INSL6: variants seen among roughly 807,000 people sequenced by gnomAD.
The protein encoded by INSL6 is insulin like 6, also known as insulin-like peptide INSL6.
A neutral mutation model predicts 9.4 loss-of-function variants in INSL6; 16 were observed. The ratio of observed to expected loss-of-function variants is 1.70; its 90% CI spans 1.15 to 2.59. The LOEUF (loss-of-function observed/expected upper bound fraction) is 2.59. INSL6 is among the 30% of genes most tolerant of loss of function. The pLI is 0.00. For synonymous variants in INSL6, 154 were observed against 96.9 expected (o/e 1.59, Z -3.46); for missense variants, 391 against 257.3 (o/e 1.52, Z -3.56).
chr9:5,031,427 G>A, the INSL6 span, among the ~76,000 whole-genome samples: 6 of 152,276 alleles, frequency 3.9e-5, no homozygotes, highest in South Asian at 1.0e-3. Flanking sequence ...CATACATATA[G>A]AAACATAATA....
the INSL6 span, chr9:5,072,568 T>C: frequency 6.2e-7 from 1 of 1,611,462 alleles, no homozygotes; most frequent in African/African-American, 1.3e-5. Context: ...TACGGTCAAC[T>C]GCATGAAACA....
chr9:4,995,216 G>A, the INSL6 span, among the ~76,000 whole-genome samples: 1 of 152,014 alleles, frequency 6.6e-6, no homozygotes, highest in Non-Finnish European at 1.5e-5. Context: ...ACTTTCTATT[G>A]GATTTGTGGT....
the INSL6 span, among the ~76,000 whole-genome samples, chr9:5,074,475 C>T: frequency 6.6e-6 from 1 of 151,850 alleles, no homozygotes; most frequent in Non-Finnish European, 1.5e-5. Context: ...TTAAAAAAAT[C>T]ATATGGTGAT....
chr9:5,134,087 G>A (rs1824344029), intron 2 of INSL6, among the ~76,000 whole-genome samples: 1 of 152,110 alleles, frequency 6.6e-6, no homozygotes, highest in Non-Finnish European at 1.5e-5. Flanking sequence ...GCAGAAGAAA[G>A]GATACCAGAG....
the INSL6 span, among the ~76,000 whole-genome samples, chr9:5,003,829 T>C: frequency 3.4e-5 from 5 of 148,950 alleles, no homozygotes; most frequent in African/African-American, 1.2e-4. Context: ...GGTATATTGT[T>C]TTTTTACTGT....
At chr9:4,998,739 A>G in the INSL6 span, among the ~76,000 whole-genome samples, 2 of 139,434 alleles carry the variant, frequency 1.4e-5, no homozygotes, top group African/African-American at 5.1e-5. Context: ...AACCACAAAA[A>G]ACAAAAAAAA....
chr9:5,150,690 C>T (rs770738382), intron 2 of INSL6, among the ~76,000 whole-genome samples: 21 of 152,122 alleles, frequency 1.4e-4, no homozygotes, highest in Non-Finnish European at 2.4e-4. Context: ...AATACAACTA[C>T]TATTTAATCC....
downstream of INSL6, among the ~76,000 whole-genome samples, chr9:5,120,883 TCAG>T (rs1346004963): frequency 6.6e-6 from 1 of 152,178 alleles, no homozygotes; most frequent in African/African-American, 2.4e-5. Flanking sequence ...AACAAAATAA[TCAG>T]CAAGTTTTGG....
At chr9:5,073,929 T>G in the INSL6 span, 1 of 604,936 alleles carries the variant, frequency 1.7e-6, no homozygotes, top group Non-Finnish European at 2.9e-6. Context: ...CTGAAAACAC[T>G]GTAGGACTAT....
the INSL6 span, among the ~76,000 whole-genome samples, chr9:5,071,567 G>A: frequency 3.9e-5 from 6 of 152,268 alleles, no homozygotes; most frequent in East Asian, 9.6e-4. Context: ...TATAGCTGAA[G>A]AGAGATGTAG....
chr9:5,118,986 G>C (rs1010661558), downstream of INSL6, among the ~76,000 whole-genome samples: 1 of 152,064 alleles, frequency 6.6e-6, no homozygotes, highest in African/African-American at 2.4e-5. Flanking sequence ...ACACTTTCAC[G>C]TGGATGTACC....
the INSL6 span, chr9:5,065,012 A>T: frequency 6.2e-7 from 1 of 1,602,960 alleles, no homozygotes; most frequent in Non-Finnish European, 8.5e-7. Flanking sequence ...GCTTGAAAAT[A>T]TACAAAGCAA....
Position 5,173,816 on chromosome 9 carries a change from C to T in INSL6, c.290-9551G>A, listed in dbSNP as rs188554292. Among the ~76,000 whole-genome samples the T allele has an allele frequency of 5.7e-3, 870 of 151,578 alleles. 7 individuals are homozygous for T. The highest frequency in any genetic ancestry group is 6.7e-3 in the Non-Finnish European group (453 of 67,858). ...AATGAAAGGGTTCATCCCAGAAACA[C>T]GAGGACAGGTCAAGATCACAAAACC... On this transcript the variant is annotated intron_variant, in intron 1 of 1. Coordinates refer to ENST00000381641, the MANE Select transcript of INSL6 (RefSeq NM_007179.3).
chr9:5,049,236 G>A, the INSL6 span, among the ~76,000 whole-genome samples: 2 of 152,050 alleles, frequency 1.3e-5, no homozygotes, highest in Admixed American at 1.3e-4. Context: ...CTACTACTCT[G>A]CCAATGGAAG....
chr9:5,074,875 A>G, the INSL6 span, among the ~76,000 whole-genome samples: 1 of 152,308 alleles, frequency 6.6e-6, no homozygotes, highest in East Asian at 1.9e-4. Context: ...GACAAGCTGA[A>G]AGCTAGGCCT....
the INSL6 span, among the ~76,000 whole-genome samples, chr9:5,057,108 A>T: frequency 2.0e-5 from 3 of 152,120 alleles, no homozygotes; most frequent in African/African-American, 7.2e-5. Flanking sequence ...CTCCTTGTAT[A>T]CAAGTATTAT....
At chr9:5,039,690 G>C in the INSL6 span, among the ~76,000 whole-genome samples, 8 of 152,050 alleles carry the variant, frequency 5.3e-5, no homozygotes, top group Admixed American at 3.9e-4. Context: ...TCTATACAGA[G>C]ACAAAGAACA....
chr9:5,031,086 A>G, the INSL6 span, among the ~76,000 whole-genome samples: 3 of 152,156 alleles, frequency 2.0e-5, no homozygotes, highest in Non-Finnish European at 4.4e-5. Context: ...AAGAATATGA[A>G]GAATTAGGAC....
At chr9:5,062,213 A>C in the INSL6 span, among the ~76,000 whole-genome samples, 1 of 152,004 alleles carries the variant, frequency 6.6e-6, no homozygotes, top group African/African-American at 2.4e-5. Flanking sequence ...GACATTTTGC[A>C]TATATGGGTT....
Sources: gnomAD v4.1 joint callset for allele counts (sites outside exome capture counted in the v4.1 genomes callset) on GRCh38, gnomAD v4.1.1 for gene constraint, MANE v1.5 for transcripts, NCBI Gene and HGNC (gene_info 2026-07-23, HGNC 2026-07-21) for gene names.